Variants in DIAPH3 observed in about 807,000 individuals in gnomAD.
DIAPH3 encodes diaphanous related formin 3, also known as protein diaphanous homolog 3.
Under a neutral mutation model 144.3 loss-of-function variants are expected in DIAPH3, and 117 were observed. The observed-to-expected ratio is 0.81, with a 90% CI of 0.70 to 0.95. The LOEUF is 0.95. Ranked by LOEUF, DIAPH3 falls within the 40% of genes least tolerant of loss-of-function variation. DIAPH3 has a pLI of 0.00. For missense variants in DIAPH3, 1,421 were observed against 1,412.7 expected, an observed-to-expected ratio of 1.01 and a Z score of -0.09; for synonymous variants, 519 against 488.9, an observed-to-expected ratio of 1.06 and a Z score of -0.81.
chr13:59,874,399 C>T (rs1431957189), intron 21 of DIAPH3, among the ~76,000 whole-genome samples: 1 of 152,136 alleles, frequency 6.6e-6, no homozygotes, highest in Non-Finnish European at 1.5e-5. Flanking sequence ...TAATTATCTC[C>T]ATCACAGCTC....
intron 5 of DIAPH3, among the ~76,000 whole-genome samples, chr13:60,022,327 A>C (rs1370258255): frequency 6.6e-6 from 1 of 152,162 alleles, no homozygotes; most frequent in Non-Finnish European, 1.5e-5. Context: ...CTTGTTCTCA[A>C]TCTATCTTAG....
intron 24 of DIAPH3, among the ~76,000 whole-genome samples, chr13:59,828,631 C>A (rs201864250): frequency 9.4e-4 from 123 of 130,322 alleles, no homozygotes; most frequent in Admixed American, 1.3e-3. Context: ...TTCTGGACCT[C>A]AAAAAAAAAA....
intron 25 of DIAPH3, among the ~76,000 whole-genome samples, chr13:59,787,450 T>C (rs1206279715): frequency 6.6e-6 from 1 of 152,192 alleles, no homozygotes; most frequent in Non-Finnish European, 1.5e-5. Flanking sequence ...GTACAGTGGC[T>C]CATGCCTGTA....
rs1396999196 is a variant in DIAPH3, at chr13:60,052,290, TAGAC to T, written c.496-9474_496-9471del. Among the ~76,000 whole-genome samples the T allele has an allele frequency of 8.5e-5, 13 of 152,232 alleles. No homozygotes were observed. The South Asian group carries it at 1.2e-3, about 15-fold the overall frequency. The stretch of plus-strand genomic sequence containing the variant: ...GAGGGCACTAAGTAAATAGGAAAGA[TAGAC>T]AGTGCACAGGAAAGGAAGTCTGTAA... On this transcript the variant is annotated intron_variant, in intron 4 of 27. Transcript: ENST00000400324.
intron 17 of DIAPH3, among the ~76,000 whole-genome samples, chr13:59,955,846 T>G (rs955991181): frequency 6.6e-6 from 1 of 152,190 alleles, no homozygotes; most frequent in South Asian, 2.1e-4. Context: ...GAGGAACTTG[T>G]TGAGAACTAG....
At chr13:59,738,089 C>T (rs1345550934) in intron 27 of DIAPH3, among the ~76,000 whole-genome samples, 1 of 152,080 alleles carries the variant, frequency 6.6e-6, no homozygotes, top group South Asian at 2.1e-4. Flanking sequence ...ATTGCGTGAA[C>T]CTGGTGAAGG....
At position 60,163,927 on chromosome 13, in the gene DIAPH3, C is replaced by G; in HGVS notation, c.-161G>C. The G allele has an allele frequency of 2.2e-6, 2 of 909,942 alleles. No individual in the cohort carries two copies. The highest frequency in any genetic ancestry group is 3.6e-5 in the South Asian group (2 of 55,952). The allele number at this position is 909,942 out of a possible 1,614,324, so 56.4% of individuals were successfully genotyped here. A position where few individuals can be genotyped will look rare whatever the true frequency, so the allele number is the denominator to read the frequency against. On this transcript the variant is annotated 5_prime_UTR_variant, in exon 1 of 28. Coordinates refer to ENST00000400324, the MANE Select transcript of DIAPH3 (RefSeq NM_001042517.2). ...GAAGTCGGGGCCGCAGCCAACACATCTGAAAACTCCCGCCACCCGTGTTGG... is the reference window on the plus strand; with the variant it reads ...GAAGTCGGGGCCGCAGCCAACACATGTGAAAACTCCCGCCACCCGTGTTGG...
intron 25 of DIAPH3, among the ~76,000 whole-genome samples, chr13:59,778,685 C>A (rs534605976): frequency 5.8e-4 from 89 of 152,336 alleles, no homozygotes; most frequent in Non-Finnish European, 5.4e-4. Context: ...ATCTCCTGAA[C>A]TAATCTGCTG....
At chr13:60,152,112 G>T (rs1951816540) in intron 1 of DIAPH3, among the ~76,000 whole-genome samples, 1 of 152,088 alleles carries the variant, frequency 6.6e-6, no homozygotes, top group Admixed American at 6.6e-5. Context: ...GCAATTACGG[G>T]ATAAACTCTC....
chr13:59,843,110 T>C (rs1227763749), intron 22 of DIAPH3, among the ~76,000 whole-genome samples: 1 of 152,202 alleles, frequency 6.6e-6, no homozygotes, highest in Non-Finnish European at 1.5e-5. Context: ...TACCCCTACC[T>C]GTCTTTAGTC....
chr13:59,677,862 C>G (rs1487910515), intron 27 of DIAPH3, among the ~76,000 whole-genome samples: 1 of 152,112 alleles, frequency 6.6e-6, no homozygotes, highest in Non-Finnish European at 1.5e-5. Context: ...GCAAAATAGA[C>G]AAAGGCTAAA....
intron 2 of DIAPH3, among the ~76,000 whole-genome samples, chr13:60,125,176 G>A (rs572780114): frequency 2.0e-5 from 3 of 152,012 alleles, no homozygotes; most frequent in African/African-American, 2.4e-5. Flanking sequence ...TTAACACACC[G>A]CTCTTCTAAT....
At chr13:60,037,125 G>A (rs1169846303) in intron 5 of DIAPH3, among the ~76,000 whole-genome samples, 1 of 37,238 alleles carries the variant, frequency 2.7e-5, no homozygotes, top group African/African-American at 1.2e-4. Flanking sequence ...TAGATATTTT[G>A]AGACGTTAAG....
intron 22 of DIAPH3, among the ~76,000 whole-genome samples, chr13:59,852,183 C>T (rs1309671370): frequency 2.0e-5 from 3 of 152,178 alleles, no homozygotes; most frequent in Admixed American, 6.5e-5. Flanking sequence ...ACAAAAGGGT[C>T]TCACTGCTGA....
At chr13:60,086,480 C>G (rs2057751585) in intron 4 of DIAPH3, among the ~76,000 whole-genome samples, 1 of 151,950 alleles carries the variant, frequency 6.6e-6, no homozygotes, top group Non-Finnish European at 1.5e-5. Flanking sequence ...AACAAGCAGG[C>G]AAAGCATCAT....
At chr13:59,828,051 A>G (rs1363313202) in intron 24 of DIAPH3, among the ~76,000 whole-genome samples, 2 of 152,052 alleles carry the variant, frequency 1.3e-5, no homozygotes, top group African/African-American at 2.4e-5. Context: ...ACAACACTAC[A>G]TGAATAAAGG....
intron 7 of DIAPH3, among the ~76,000 whole-genome samples, chr13:60,013,963 A>G (rs1027667369): frequency 6.6e-6 from 1 of 152,180 alleles, no homozygotes; most frequent in Non-Finnish European, 1.5e-5. Context: ...TAAAATGGCA[A>G]TATTTTATAG....
rs773673157 is a variant in DIAPH3, at chr13:60,112,061, A to AAAGTTCTCCATCATCTCTAAAGGT, written c.315_338dup (p.Asn112_Phe113insLeuProLeuGluMetMetGluAsn). ...GTTCATTCTCTGACAGTGGCTTTGG[A>AAAGTTCTCCATCATCTCTAAAGGT]AAGTTCTCCATCATCTCTAAAGGTG... On this transcript the variant is annotated inframe_insertion, in exon 3 of 28. Coordinates refer to ENST00000400324, the MANE Select transcript of DIAPH3 (RefSeq NM_001042517.2). 2.8e-5 allele frequency: 45 copies of AAAGTTCTCCATCATCTCTAAAGGT among 1,614,032 alleles called. No individual in the cohort carries two copies. The highest frequency in any genetic ancestry group is 3.6e-5 in the Non-Finnish European group (42 of 1,180,038).
At chr13:59,953,214 G>A (rs2049192795) in intron 17 of DIAPH3, among the ~76,000 whole-genome samples, 1 of 152,126 alleles carries the variant, frequency 6.6e-6, no homozygotes, top group African/African-American at 2.4e-5. Context: ...TCCTGGCAGG[G>A]AAAAGCCCAT....
Sources: gnomAD v4.1 joint callset for allele counts (sites outside exome capture counted in the v4.1 genomes callset) on GRCh38, gnomAD v4.1.1 for gene constraint, MANE v1.5 for transcripts, NCBI Gene and HGNC (gene_info 2026-07-23, HGNC 2026-07-21) for gene names.